Variants in DPP4 observed in about 807,000 individuals in gnomAD.
DPP4 encodes ADCP-2.
In DPP4, 93 loss-of-function variants were observed where a neutral mutation model predicts 122.4. That is an observed-to-expected ratio of 0.76 (90% CI 0.64 to 0.90). The LOEUF is 0.90. Among genes scored for constraint, DPP4 ranks in the 40% least tolerant of loss-of-function variants. The probability of loss-of-function intolerance (pLI) is 0.00; values close to 1 mark genes in which losing one functional copy is unlikely to be tolerated. For missense variants in DPP4, 914 were observed against 907.3 expected, an observed-to-expected ratio of 1.01 and a Z score of -0.09; for synonymous variants, 321 against 302.9, an observed-to-expected ratio of 1.06 and a Z score of -0.62.
chr2:161,994,926 C>A (rs1239539419), intron 25 of DPP4, 35 bp downstream of exon 25: 3 of 1,597,032 alleles, frequency 1.9e-6, no homozygotes, highest in Non-Finnish European at 2.6e-6. Context: ...ACCCCACCAG[C>A]AACTTCCCTC....
intron 1 of DPP4, 23 bp downstream of exon 1, chr2:162,073,953 G>T (rs770023853): frequency 6.2e-7 from 1 of 1,612,424 alleles, no homozygotes; most frequent in South Asian, 1.1e-5. Context: ...TCGCCCCGGG[G>T]ACGTACGTGG....
chr2:162,026,939 T>A (rs1683350933), intron 10 of DPP4, among the ~76,000 whole-genome samples: 1 of 152,130 alleles, frequency 6.6e-6, no homozygotes, highest in Admixed American at 6.5e-5. Flanking sequence ...GTGGTCCACA[T>A]CTCTGTCACT....
intron 8 of DPP4, among the ~76,000 whole-genome samples, chr2:162,037,932 G>C (rs1467028444): frequency 6.6e-6 from 1 of 152,120 alleles, no homozygotes; most frequent in Non-Finnish European, 1.5e-5. Context: ...AATGTGATGG[G>C]ATTATTTAGC....
intron 2 of DPP4, among the ~76,000 whole-genome samples, chr2:162,072,128 A>G (rs1282328187): frequency 1.3e-5 from 2 of 152,164 alleles, no homozygotes; most frequent in Admixed American, 1.3e-4. Context: ...TTATATTTAT[A>G]TTTACAAAAT....
Position 161,995,330 on chromosome 2 carries a change from C to T in DPP4, c.2095G>A (p.Glu699Lys). 1 of 1,614,026 alleles carries T rather than the reference C, an allele frequency of 6.2e-7. No homozygotes were observed. The highest frequency in any genetic ancestry group is 8.5e-7 in the Non-Finnish European group (1 of 1,179,956). The change falls in exon 24 of 26, where the codon GAG (glutamate) becomes AAG (lysine). Residue 699 changes from glutamate (E) to lysine (K), a missense_variant. Physicochemically the swap from Glu to Lys is moderately conservative, Grantham distance 56. Coordinates refer to ENST00000360534, the MANE Select transcript of DPP4 (RefSeq NM_001935.4). ...MSRAENFKQV[E>K]YLLIHGTADD... ...GCTGTTCCATGAATAAGGAGGTACT[C>T]AACTTGTTTAAAATTTTCAGCTCTG...
At chr2:162,058,345 G>A (rs1684649225) in intron 2 of DPP4, among the ~76,000 whole-genome samples, 1 of 152,098 alleles carries the variant, frequency 6.6e-6, no homozygotes. Context: ...CCCTGCTCAT[G>A]GAATGTTAAA....
intron 2 of DPP4, among the ~76,000 whole-genome samples, chr2:162,060,688 T>C (rs1366916777): frequency 6.6e-6 from 1 of 152,204 alleles, no homozygotes; most frequent in African/African-American, 2.4e-5. Context: ...AGCTCATCAG[T>C]TCTGTGGTAT....
intron 2 of DPP4, among the ~76,000 whole-genome samples, chr2:162,050,345 G>T (rs987731733): frequency 2.6e-5 from 4 of 152,164 alleles, no homozygotes; most frequent in African/African-American, 7.2e-5. Context: ...AATATAGATG[G>T]TTATTGACAT....
chr2:161,997,837 C>T (rs557755798), intron 23 of DPP4, among the ~76,000 whole-genome samples: 4 of 152,314 alleles, frequency 2.6e-5, no homozygotes, highest in African/African-American at 9.6e-5. Flanking sequence ...GAGTAACCTG[C>T]ACCCGGTCAC....
chr2:162,051,578 A>C (rs1427804562), intron 2 of DPP4, among the ~76,000 whole-genome samples: 1 of 152,238 alleles, frequency 6.6e-6, no homozygotes, highest in African/African-American at 2.4e-5. Flanking sequence ...TGTGTTCCAT[A>C]TGGTAATCAG....
intron 15 of DPP4, 69 bp downstream of exon 15, chr2:162,019,148 AAAAAAT>A (rs1683028878): frequency 7.3e-7 from 1 of 1,370,238 alleles, no homozygotes; most frequent in African/African-American, 1.5e-5. Context: ...AGGACAAGGC[AAAAAAT>A]AAAAATAGAG....
At chr2:162,023,961 C>T (rs1432697154) in intron 11 of DPP4, among the ~76,000 whole-genome samples, 1 of 152,164 alleles carries the variant, frequency 6.6e-6, no homozygotes, top group Non-Finnish European at 1.5e-5. Flanking sequence ...TAGCTTAGCA[C>T]AGAGCTTGGA....
intron 16 of DPP4, among the ~76,000 whole-genome samples, chr2:162,018,498 C>T (rs1207473121): frequency 6.6e-6 from 1 of 152,138 alleles, no homozygotes; most frequent in African/African-American, 2.4e-5. Flanking sequence ...CTGTTATACA[C>T]AAGGGTGTGT....
At chr2:162,024,474 G>T (rs919720716) in intron 11 of DPP4, among the ~76,000 whole-genome samples, 6 of 152,062 alleles carry the variant, frequency 3.9e-5, no homozygotes, top group Non-Finnish European at 5.9e-5. Context: ...AACACACTCT[G>T]TTGAGCTTGC....
intron 2 of DPP4, among the ~76,000 whole-genome samples, chr2:162,050,662 G>A (rs184295487): frequency 1.3e-5 from 2 of 152,348 alleles, no homozygotes; most frequent in East Asian, 3.9e-4. Context: ...AGCAAGCAGA[G>A]CAACACAAAT....
rs1559721346 is a variant in DPP4, at chr2:162,047,422, G to A, written c.174C>T (p.Tyr58=). ...TCTTACCTGAAATCCATCTTAAGGA[G>A]TATAACTTCAGTCTATAAGTATTTT... ...YLKNTYRLKL[Y]SLRWISDHEY... is the part of the protein sequence containing the mutation. Residue 58 remains tyrosine (Y), a synonymous_variant, in exon 3 of 26, where the codon TAC becomes TAT. Transcript: ENST00000360534. The A allele has an allele frequency of 1.9e-6, 3 of 1,572,572 alleles. No individual in the cohort carries two copies. The highest frequency in any genetic ancestry group is 1.7e-6 in the Non-Finnish European group (2 of 1,151,520).
chr2:162,058,536 GC>G (rs1177554636), intron 2 of DPP4, among the ~76,000 whole-genome samples: 3 of 152,124 alleles, frequency 2.0e-5, no homozygotes, highest in Non-Finnish European at 4.4e-5. Flanking sequence ...TCATCCTCAA[GC>G]TTTGCACTTG....
At position 162,047,485 on chromosome 2, in the gene DPP4, A is replaced by G. The variant is rs1196310641; in HGVS notation, c.111T>C (p.Ala37=). 6.3e-7 allele frequency: 1 copy of G among 1,576,256 alleles called. No individual in the cohort carries two copies. Among genetic ancestry groups the G allele is most frequent in the Non-Finnish European group, 8.7e-7 (1 of 1,155,086 alleles). Residue 37 remains alanine, a synonymous_variant, in exon 3 of 26, where the codon GCT becomes GCC. Transcript: ENST00000360534. ...LLNKGTDDAT[A]DSRKTYTLTD... is the part of the protein sequence containing the mutation. ...TTAGAGTGTAAGTTTTGCGACTGTC[A>G]GCTGTAGCATCATCTGCTGGTTGAA...
At chr2:162,060,499 T>G (rs1195577302) in intron 2 of DPP4, among the ~76,000 whole-genome samples, 1 of 152,202 alleles carries the variant, frequency 6.6e-6, no homozygotes, top group Non-Finnish European at 1.5e-5. Flanking sequence ...CACGTAAGCT[T>G]TAAAATAGGT....
Sources: allele counts gnomAD v4.1 joint callset (sites outside exome capture counted in the v4.1 genomes callset), GRCh38; gene constraint gnomAD v4.1.1; transcripts MANE v1.5; gene names NCBI Gene and HGNC (gene_info 2026-07-23, HGNC 2026-07-21).